MAGI1: variants seen among roughly 807,000 people sequenced by gnomAD.
MAGI1 encodes the protein membrane associated guanylate kinase, WW and PDZ domain containing 1.
A neutral mutation model predicts 139.9 loss-of-function variants in MAGI1; 58 were observed. The ratio of observed to expected loss-of-function variants is 0.41; its 90% CI spans 0.34 to 0.52. MAGI1 has a LOEUF of 0.52. MAGI1 is among the 20% of genes least tolerant of loss of function. MAGI1 has a pLI of 0.12. For missense variants in MAGI1, 1,874 were observed against 1,901.6 expected (o/e 0.99, Z 0.27); for synonymous variants, 812 against 737.9 (o/e 1.10, Z -1.63).
intron 1 of MAGI1, among the ~76,000 whole-genome samples, chr3:65,931,458 G>A (rs2062804268): frequency 6.6e-6 from 1 of 152,184 alleles, no homozygotes; most frequent in South Asian, 2.1e-4. Flanking sequence ...TTGAACACAG[G>A]AGTTCCAGAC....
intron 2 of MAGI1, among the ~76,000 whole-genome samples, chr3:65,511,935 C>A (rs1406027726): frequency 8.6e-5 from 11 of 128,272 alleles, no homozygotes; most frequent in Middle Eastern, 3.7e-3. Context: ...TGTAAAAGAA[C>A]AGAAATTATA....
chr3:65,407,976 C>T (rs1264948094), intron 12 of MAGI1, among the ~76,000 whole-genome samples: 3 of 152,166 alleles, frequency 2.0e-5, no homozygotes, highest in Admixed American at 6.5e-5. Flanking sequence ...TCCTAAATTA[C>T]TGGGTCATGG....
chr3:65,871,280 G>A (rs774339913), intron 1 of MAGI1, among the ~76,000 whole-genome samples: 37 of 152,040 alleles, frequency 2.4e-4, no homozygotes, highest in Non-Finnish European at 5.0e-4. Context: ...TATTCAACCA[G>A]GTAACACTGA....
chr3:66,019,873 G>A (rs2067868106), intron 1 of MAGI1, among the ~76,000 whole-genome samples: 1 of 152,098 alleles, frequency 6.6e-6, no homozygotes, highest in African/African-American at 2.4e-5. Flanking sequence ...ACTTGACCTG[G>A]CATCTATTCC....
chr3:65,676,098 C>T (rs2087172642), intron 1 of MAGI1, among the ~76,000 whole-genome samples: 1 of 152,114 alleles, frequency 6.6e-6, no homozygotes, highest in African/African-American at 2.4e-5. Flanking sequence ...AGCACAAAGG[C>T]TATTTGTAGC....
At chr3:65,471,714 T>C (rs1193545503) in intron 4 of MAGI1, among the ~76,000 whole-genome samples, 2 of 152,134 alleles carry the variant, frequency 1.3e-5, no homozygotes, top group Non-Finnish European at 2.9e-5. Context: ...TCCTTGCCAA[T>C]CAGGAGTATT....
chr3:65,401,841 C>T (rs1559525650), intron 12 of MAGI1: 3 of 1,249,588 alleles, frequency 2.4e-6, no homozygotes, highest in East Asian at 4.6e-5. Flanking sequence ...ATTTCCTTTC[C>T]ACACGATCCA....
intron 1 of MAGI1, among the ~76,000 whole-genome samples, chr3:65,630,410 G>A (rs2084226415): frequency 6.6e-6 from 1 of 152,164 alleles, no homozygotes; most frequent in South Asian, 2.1e-4. Context: ...AAGGAGGAAA[G>A]AGGTTGGTAT....
intron 1 of MAGI1, among the ~76,000 whole-genome samples, chr3:65,820,445 G>T (rs1178523786): frequency 6.6e-6 from 1 of 152,228 alleles, no homozygotes; most frequent in East Asian, 1.9e-4. Context: ...TGGATACAAG[G>T]GGTAGTTATG....
At chr3:65,504,767 T>C (rs1414534331) in intron 2 of MAGI1, among the ~76,000 whole-genome samples, 2 of 152,168 alleles carry the variant, frequency 1.3e-5, no homozygotes, top group African/African-American at 4.8e-5. Context: ...TCTTACTGCC[T>C]CTTAACCAGA....
At chr3:65,566,818 A>C (rs1576340451) in intron 2 of MAGI1, among the ~76,000 whole-genome samples, 1 of 136,738 alleles carries the variant, frequency 7.3e-6, no homozygotes. Context: ...AATTTTTGAG[A>C]CCTCTCCTGA....
chr3:65,928,645 A>G (rs1432648062), intron 1 of MAGI1, among the ~76,000 whole-genome samples: 1 of 152,180 alleles, frequency 6.6e-6, no homozygotes, highest in Non-Finnish European at 1.5e-5. Flanking sequence ...TCTATAGTAC[A>G]TGTCAAACTA....
chr3:65,643,080 C>T (rs2085067989), intron 1 of MAGI1, among the ~76,000 whole-genome samples: 1 of 152,178 alleles, frequency 6.6e-6, no homozygotes, highest in Admixed American at 6.5e-5. Flanking sequence ...CTCCAGTAAA[C>T]ACAGAGGAGA....
intron 1 of MAGI1, among the ~76,000 whole-genome samples, chr3:65,692,757 T>C (rs112796250): frequency 6.6e-6 from 1 of 152,120 alleles, no homozygotes; most frequent in South Asian, 2.1e-4. Flanking sequence ...GTCATGAGAC[T>C]GAGTCTGTTA....
rs565708736 is a variant in MAGI1 at position 65,614,123 on chromosome 3, C to CA, written c.430+7848dup. ...GAACCTGCCAGCCTCTCAGGTCCACCACACCTGAAAGCCCATCACATCTGA... is the reference window on the plus strand; with the variant it reads ...GAACCTGCCAGCCTCTCAGGTCCACCAACACCTGAAAGCCCATCACATCTGA... On this transcript the variant is annotated intron_variant, in intron 2 of 22. Coordinates refer to ENST00000402939, the MANE Select transcript of MAGI1 (RefSeq NM_001033057.2). 3.7e-3 allele frequency among the ~76,000 whole-genome samples: 563 copies of CA among 152,212 alleles called. 2 individuals are homozygous for CA. Among genetic ancestry groups the CA allele is most frequent in the African/African-American group, 0.013 (540 of 41,532 alleles).
rs114643243 is a variant in MAGI1, at chr3:65,422,662, G to A, written c.2167+6858C>T. On this transcript the variant is annotated intron_variant, in intron 12 of 22. Coordinates refer to ENST00000402939, the MANE Select transcript of MAGI1 (RefSeq NM_001033057.2). ...GTCCCTTATCTGAGGGGGATCACAG[G>A]TAGGTATAGTACATAAGAAAGATCA... Among the ~76,000 whole-genome samples, 596 of 152,252 alleles carry A rather than the reference G, an allele frequency of 3.9e-3. 3 individuals carry two copies. Among genetic ancestry groups the A allele is most frequent in the Middle Eastern group, 0.01 (3 of 294 alleles).
chr3:65,395,659 A>AGGGTGT (rs1944334272), intron 13 of MAGI1, among the ~76,000 whole-genome samples: 1 of 136,504 alleles, frequency 7.3e-6, no homozygotes, highest in Non-Finnish European at 1.6e-5. Context: ...AAAAAAAAAG[A>AGGGTGT]GGGTGTGCTA....
rs1484362470 is a variant in MAGI1 at position 65,793,008 on chromosome 3, A to ATT, written c.314-170921_314-170920insAA. 1.9e-3 allele frequency among the ~76,000 whole-genome samples: 286 copies of ATT among 152,238 alleles called. 1 individual carries two copies. Among genetic ancestry groups the ATT allele is most frequent in the Admixed American group, 4.9e-3 (75 of 15,290 alleles). The stretch of plus-strand genomic sequence containing the variant: ...AGAAATAGGGCATTTGAGTTTGGAA[A>ATT]ACTGGTTACTCATAAGGCTGAATTC... On this transcript the variant is annotated intron_variant, in intron 1 of 22. Transcript: ENST00000402939.
chr3:66,034,422 G>T (rs2068803495), intron 1 of MAGI1, among the ~76,000 whole-genome samples: 1 of 152,182 alleles, frequency 6.6e-6, no homozygotes, highest in African/African-American at 2.4e-5. Flanking sequence ...GAGTCCAATT[G>T]TAAGGACTGA....
Sources: allele counts gnomAD v4.1 joint callset (sites outside exome capture counted in the v4.1 genomes callset), GRCh38; gene constraint gnomAD v4.1.1; transcripts MANE v1.5; gene names NCBI Gene and HGNC (gene_info 2026-07-23, HGNC 2026-07-21).